Variants in TPTE2 observed in about 807,000 individuals in gnomAD.
TPTE2 encodes the protein transmembrane phosphoinositide 3-phosphatase and tensin homolog 2, also known as phosphatidylinositol 3,4,5-trisphosphate 3-phosphatase TPTE2.
A neutral mutation model predicts 78.6 loss-of-function variants in TPTE2; 53 were observed. That is an observed-to-expected ratio of 0.67 (90% confidence interval 0.54 to 0.85). The LOEUF (loss-of-function observed/expected upper bound fraction) is 0.85. Ranked by LOEUF, TPTE2 falls within the 40% of genes least tolerant of loss-of-function variation. The pLI is 0.00. For missense variants in TPTE2, 461 were observed against 623.0 expected, an observed-to-expected ratio of 0.74 and a Z score of 2.77; for synonymous variants, 175 against 206.2, an observed-to-expected ratio of 0.85 and a Z score of 1.30.
intron 1 of TPTE2, among the ~76,000 whole-genome samples, chr13:19,531,080 A>G (rs1316471558): frequency 6.6e-6 from 1 of 152,204 alleles, no homozygotes; most frequent in Non-Finnish European, 1.5e-5. Context: ...GGTGTCTCAC[A>G]TAAGTGGATT....
At chr13:19,510,798 A>G (rs1869382870) in intron 1 of TPTE2, among the ~76,000 whole-genome samples, 1 of 152,222 alleles carries the variant, frequency 6.6e-6, no homozygotes, top group Admixed American at 6.5e-5. Context: ...ACACTAGTGG[A>G]AAAATGGGCT....
intron 3 of TPTE2, among the ~76,000 whole-genome samples, chr13:19,482,838 C>T (rs888690281): frequency 1.3e-4 from 19 of 150,604 alleles, no homozygotes; most frequent in Middle Eastern, 3.5e-3. Flanking sequence ...AATATGTATA[C>T]AGATATATAA....
At chr13:19,508,709 G>C (rs1272814984) in intron 1 of TPTE2, among the ~76,000 whole-genome samples, 1 of 152,066 alleles carries the variant, frequency 6.6e-6, no homozygotes, top group Non-Finnish European at 1.5e-5. Flanking sequence ...CTAACATCTA[G>C]AATATGGAAA....
chr13:19,487,185 C>A (rs1351802173), intron 3 of TPTE2, among the ~76,000 whole-genome samples: 2 of 152,086 alleles, frequency 1.3e-5, no homozygotes, highest in African/African-American at 2.4e-5. Flanking sequence ...GCTTAGTTGG[C>A]CTGACAGTCT....
chr13:19,492,779 T>C, intron 3 of TPTE2, 71 bp downstream of exon 6: 1 of 1,584,486 alleles, frequency 6.3e-7, no homozygotes, highest in Non-Finnish European at 8.6e-7. Flanking sequence ...TATATTTGTG[T>C]ATGTGCTTGG....
chr13:19,561,073 G>A, the TPTE2 span: 38 of 1,586,622 alleles, frequency 2.4e-5, no homozygotes, highest in African/African-American at 3.4e-4. Context: ...CGCCCTGCTC[G>A]CCAGGCCCAG....
intron 1 of TPTE2, among the ~76,000 whole-genome samples, chr13:19,499,916 G>C (rs1881653431): frequency 6.9e-6 from 1 of 144,894 alleles, no homozygotes; most frequent in African/African-American, 2.7e-5. Flanking sequence ...GACTAATAAA[G>C]AAAAAAAGAG....
At chr13:19,539,751 C>T (rs534909171), upstream of TPTE2, among the ~76,000 whole-genome samples, 1 of 152,340 alleles carries the variant, frequency 6.6e-6, no homozygotes, top group South Asian at 2.1e-4. Flanking sequence ...ATTAGGGCAA[C>T]TCCCTCACCT....
At chr13:19,541,177 C>A (rs975970206), upstream of TPTE2, among the ~76,000 whole-genome samples, 1 of 152,164 alleles carries the variant, frequency 6.6e-6, no homozygotes, top group Non-Finnish European at 1.5e-5. Flanking sequence ...AGGTTTCTTG[C>A]CAGGTGGCTC....
At position 19,509,315 on chromosome 13, in the gene TPTE2, G is replaced by A. The variant is rs1265718923; in HGVS notation, c.-43-6038C>T. ...TCACTGAACTGGAGAAGAAAAAACC[G>A]TGGAGAAGATTAACAAAACAAAAGT... On this transcript the variant is annotated intron_variant, in intron 1 of 17. Transcript: ENST00000390680. Among the ~76,000 whole-genome samples, 9 of 152,084 alleles carry A rather than the reference G, an allele frequency of 5.9e-5. No homozygotes were observed. In the East Asian group the frequency reaches 9.6e-4, roughly 16 times the overall value.
At chr13:19,541,617 T>G (rs1332025545), upstream of TPTE2, among the ~76,000 whole-genome samples, 3 of 152,218 alleles carry the variant, frequency 2.0e-5, no homozygotes, top group Non-Finnish European at 4.4e-5. Flanking sequence ...AAAGTTCTCT[T>G]CTACTCCAAG....
chr13:19,544,406 T>C, the TPTE2 span, among the ~76,000 whole-genome samples: 1 of 81,102 alleles, frequency 1.2e-5, no homozygotes, highest in Non-Finnish European at 3.0e-5. Context: ...CCTTCCTGAA[T>C]GAATCAATGA....
At chr13:19,557,209 A>G in the TPTE2 span, among the ~76,000 whole-genome samples, 1 of 152,206 alleles carries the variant, frequency 6.6e-6, no homozygotes, top group African/African-American at 2.4e-5. Context: ...GAACCTCTGG[A>G]TTCGGTAATT....
chr13:19,546,959 G>A, the TPTE2 span, among the ~76,000 whole-genome samples: 1 of 151,710 alleles, frequency 6.6e-6, no homozygotes, highest in Non-Finnish European at 1.5e-5. Context: ...AACCAGAATC[G>A]AAAAATGAAG....
chr13:19,459,859 G>T (rs1166942507), intron 10 of TPTE2, among the ~76,000 whole-genome samples: 1 of 152,188 alleles, frequency 6.6e-6, no homozygotes, highest in East Asian at 1.9e-4. Flanking sequence ...GAGTGGCTGA[G>T]TCTATGAACC....
chr13:19,444,871 T>C (rs777980117), intron 13 of TPTE2, among the ~76,000 whole-genome samples: 15 of 152,134 alleles, frequency 9.9e-5, no homozygotes, highest in Non-Finnish European at 1.5e-4. Context: ...TTCTTCAGGG[T>C]AGCAAAGAAA....
intron 6 of TPTE2, among the ~76,000 whole-genome samples, chr13:19,468,129 C>G (rs548751248): frequency 6.7e-6 from 1 of 148,542 alleles, no homozygotes; most frequent in East Asian, 2.0e-4. Flanking sequence ...CAACCTCCAC[C>G]TCCCAGGTTC....
At chr13:19,538,270 G>C (rs556052489), upstream of TPTE2, among the ~76,000 whole-genome samples, 595 of 152,190 alleles carry the variant, frequency 3.9e-3, 4 homozygotes, top group South Asian at 7.7e-3. Flanking sequence ...ACCCAGGCTG[G>C]AGTGCAGTGG....
chr13:19,428,788 G>T (rs1270780960), intron 17 of TPTE2, among the ~76,000 whole-genome samples: 1 of 152,066 alleles, frequency 6.6e-6, no homozygotes, highest in South Asian at 2.1e-4. Flanking sequence ...AATTAGAGTT[G>T]TGTTCCAAGA....
Sources: allele counts gnomAD v4.1 joint callset (sites outside exome capture counted in the v4.1 genomes callset), GRCh38; gene constraint gnomAD v4.1.1; transcripts MANE v1.5; gene names NCBI Gene and HGNC (gene_info 2026-07-23, HGNC 2026-07-21).